The following UTS2B variants were observed in gnomAD, a reference collection of about 807,000 sequenced individuals.
The protein encoded by UTS2B is urotensin 2B, also known as urotensin-2B.
A neutral mutation model predicts 19.2 loss-of-function variants in UTS2B; 21 were observed. That is an observed-to-expected ratio of 1.09 (90% CI 0.78 to 1.58). UTS2B has a LOEUF of 1.58. Ranked by LOEUF, UTS2B falls within the 40% of genes most tolerant of loss-of-function variation. The pLI, the probability that UTS2B is intolerant of heterozygous loss-of-function variation, is 0.00. For missense variants in UTS2B, 138 were observed against 130.3 expected (o/e 1.06, Z -0.29); for synonymous variants, 57 against 50.2 (o/e 1.14, Z -0.58).
intron 3 of UTS2B, among the ~76,000 whole-genome samples, chr3:191,312,953 A>G (rs1717342977): frequency 6.6e-6 from 1 of 152,178 alleles, no homozygotes; most frequent in Non-Finnish European, 1.5e-5. Flanking sequence ...TGCAGGCCAC[A>G]TTTTTATGGG....
rs745747815 is a variant in UTS2B, at chr3:191,278,124, T to C, written c.150A>G (p.Leu50=). 22 of 1,569,144 alleles carry C rather than the reference T, an allele frequency of 1.4e-5. No homozygotes were observed. The South Asian group carries it at 1.9e-4, about 14-fold the overall frequency. ...PDKKYTNREE[L]LLALLNKNFD... is the part of the protein sequence containing the mutation. ...AATTTTTATTCAGTAGAGCCAGCAA[T>C]AGTTCCTCACGATTTGTATATTTTT... The change falls in exon 6 of 9, where the codon CTA becomes CTG. Residue 50 remains leucine (L), a synonymous_variant. Coordinates refer to ENST00000340524, the MANE Select transcript of UTS2B (RefSeq NM_198152.5).
At chr3:191,281,971 A>C (rs6444532) in intron 5 of UTS2B, 116 bp downstream of exon 5, 475,780 of 753,982 alleles carry the variant, frequency 0.63, 151,277 homozygotes, top group African/African-American at 0.71. Context: ...TGGCTATTAA[A>C]TAATATTTAT....
chr3:191,268,503 A>T, intron 8 of UTS2B, 62 bp from the exon 9 acceptor site: 3 of 1,230,764 alleles, frequency 2.4e-6, no homozygotes, highest in Non-Finnish European at 3.5e-6. Context: ...TTGCTCTTGA[A>T]TCAATAGCTT....
At chr3:191,269,301 C>CTGGAAAGGA (rs1292125212) in intron 8 of UTS2B, among the ~76,000 whole-genome samples, 1 of 152,126 alleles carries the variant, frequency 6.6e-6, no homozygotes, top group African/African-American at 2.4e-5. Flanking sequence ...GTTTTCCTCC[C>CTGGAAAGGA]CAAATACACC....
the UTS2B span, among the ~76,000 whole-genome samples, chr3:191,337,702 C>G: frequency 6.6e-6 from 1 of 151,992 alleles, no homozygotes; most frequent in Non-Finnish European, 1.5e-5. Context: ...CTTTCAAAAT[C>G]AAATGTAGGT....
chr3:191,337,899 A>G, the UTS2B span, among the ~76,000 whole-genome samples: 3 of 151,954 alleles, frequency 2.0e-5, no homozygotes, highest in Non-Finnish European at 4.4e-5. Context: ...ATGAAGTATC[A>G]TTTCATCTTT....
At chr3:191,301,338 C>T (rs1189225490) in intron 4 of UTS2B, among the ~76,000 whole-genome samples, 1 of 152,174 alleles carries the variant, frequency 6.6e-6, no homozygotes, top group Non-Finnish European at 1.5e-5. Context: ...GTGCCACTAC[C>T]TTGTCTTCCA....
At chr3:191,274,033 C>A (rs1317883612) in intron 8 of UTS2B, among the ~76,000 whole-genome samples, 1 of 151,800 alleles carries the variant, frequency 6.6e-6, no homozygotes, top group East Asian at 1.9e-4. Flanking sequence ...ACCCCAGAGA[C>A]AGAGGTTGCA....
intron 3 of UTS2B, among the ~76,000 whole-genome samples, chr3:191,305,768 G>T (rs1334686722): frequency 6.6e-6 from 1 of 152,124 alleles, no homozygotes; most frequent in Non-Finnish European, 1.5e-5. Flanking sequence ...TATTGCCTAG[G>T]TTGTCTTTCA....
intron 1 of UTS2B, chr3:191,329,575 T>C: frequency 7.8e-7 from 1 of 1,286,402 alleles, no homozygotes; most frequent in Non-Finnish European, 1.1e-6. Context: ...GGCCGGACTT[T>C]GCGCCGCGTC....
chr3:191,324,482 C>T (rs1261374082), intron 2 of UTS2B, among the ~76,000 whole-genome samples: 2 of 152,052 alleles, frequency 1.3e-5, no homozygotes, highest in East Asian at 1.9e-4. Flanking sequence ...ATTATGGAGG[C>T]GGATCTTTCC....
At chr3:191,276,245 A>G (rs543514132) in intron 7 of UTS2B, among the ~76,000 whole-genome samples, 34 of 152,306 alleles carry the variant, frequency 2.2e-4, no homozygotes, top group Admixed American at 5.2e-4. Context: ...TGCTACTCAG[A>G]AGAGAATGAT....
At chr3:191,274,092 G>A (rs531300839) in intron 8 of UTS2B, among the ~76,000 whole-genome samples, 6 of 149,242 alleles carry the variant, frequency 4.0e-5, no homozygotes, top group East Asian at 2.1e-4. Context: ...GTGAAACTCC[G>A]TCTCAAAGAA....
chr3:191,282,218 G>A lies in UTS2B; in HGVS notation c.-29C>T. 2.6e-6 allele frequency: 4 copies of A among 1,536,150 alleles called. No homozygotes were observed. The highest frequency in any genetic ancestry group is 3.6e-6 in the Non-Finnish European group (4 of 1,119,510). ...AAAAAAAACCTTCTGGACTAGCAAAGAAACAGACTTTCCAGGTCAAGATGG... is the reference window on the plus strand; with the variant it reads ...AAAAAAAACCTTCTGGACTAGCAAAAAAACAGACTTTCCAGGTCAAGATGG... On this transcript the variant is annotated 5_prime_UTR_variant, in exon 5 of 9. Transcript: ENST00000340524.
In UTS2B at chr3:191,268,075, T is replaced by C. The variant is rs529410880; in HGVS notation, c.*341A>G. On this transcript the variant is annotated 3_prime_UTR_variant, in exon 9 of 9. Transcript: ENST00000340524. The stretch of plus-strand genomic sequence containing the variant: ...TATCCATATGGACAGGCGCCTTCCA[T>C]GCATCCGTTTATAGGCTCTCCACGA... The C allele has an allele frequency of 2.4e-5, 4 of 168,812 alleles. No homozygotes were observed. The highest frequency in any genetic ancestry group is 3.8e-5 in the Non-Finnish European group (3 of 78,946). The allele number at this position is 168,812 out of a possible 1,614,324, so 10.5% of individuals were successfully genotyped here.
chr3:191,299,299 G>T (rs1215510437), intron 4 of UTS2B, among the ~76,000 whole-genome samples: 5 of 152,218 alleles, frequency 3.3e-5, no homozygotes, highest in Admixed American at 3.3e-4. Flanking sequence ...GACCTTTAGG[G>T]GCAGTCCCTC....
the UTS2B span, among the ~76,000 whole-genome samples, chr3:191,341,812 T>A: frequency 6.6e-6 from 1 of 152,384 alleles, no homozygotes; most frequent in Admixed American, 6.5e-5. Context: ...AACTCCCTGT[T>A]ACTTGTGTGG....
At chr3:191,279,812 G>C (rs1454066630) in intron 5 of UTS2B, among the ~76,000 whole-genome samples, 1 of 151,894 alleles carries the variant, frequency 6.6e-6, no homozygotes, top group Non-Finnish European at 1.5e-5. Flanking sequence ...ATTTTAAAAA[G>C]TTGATTTCTA....
chr3:191,328,367 G>A (rs991986007), intron 2 of UTS2B: 4 of 152,186 alleles, frequency 2.6e-5, no homozygotes, highest in African/African-American at 9.7e-5. Context: ...TTGCTACTGT[G>A]GTAACATCAG....
Sources: gnomAD v4.1 joint callset for allele counts (sites outside exome capture counted in the v4.1 genomes callset) on GRCh38, gnomAD v4.1.1 for gene constraint, MANE v1.5 for transcripts, NCBI Gene and HGNC (gene_info 2026-07-23, HGNC 2026-07-21) for gene names.